Variants in ANKS1B observed in about 807,000 individuals in gnomAD.
The protein encoded by ANKS1B is ankyrin repeat and sterile alpha motif domain-containing protein 1B.
A neutral mutation model predicts 148.3 loss-of-function variants in ANKS1B; 36 were observed. That is an observed-to-expected ratio of 0.24 (90% CI 0.19 to 0.32). The LOEUF (loss-of-function observed/expected upper bound fraction) is 0.32, where lower values mean the gene tolerates loss of function less well. Among genes scored for constraint, ANKS1B ranks in the 10% least tolerant of loss-of-function variants. The pLI is 1.00. For missense variants in ANKS1B, 1,157 were observed against 1,542.6 expected, an observed-to-expected ratio of 0.75 and a Z score of 4.19; for synonymous variants, 542 against 560.8, an observed-to-expected ratio of 0.97 and a Z score of 0.47.
At chr12:99,977,990 T>C (rs1351331433) in intron 1 of ANKS1B, among the ~76,000 whole-genome samples, 1 of 152,224 alleles carries the variant, frequency 6.6e-6, no homozygotes, top group Admixed American at 6.5e-5. Context: ...TAGTCTTTTC[T>C]AACCTTTGTC....
At chr12:99,077,630 G>A (rs756809321) in intron 16 of ANKS1B, among the ~76,000 whole-genome samples, 23 of 152,152 alleles carry the variant, frequency 1.5e-4, no homozygotes, top group Non-Finnish European at 3.2e-4. Context: ...ACACATCTGC[G>A]TCAACCATCA....
At chr12:99,661,353 A>C (rs1012460937) in intron 8 of ANKS1B, among the ~76,000 whole-genome samples, 1 of 152,182 alleles carries the variant, frequency 6.6e-6, no homozygotes, top group Non-Finnish European at 1.5e-5. Context: ...TTACATGTAG[A>C]CATACAGCTT....
chr12:99,935,384 G>A (rs962574019), intron 1 of ANKS1B, among the ~76,000 whole-genome samples: 2 of 150,496 alleles, frequency 1.3e-5, no homozygotes, highest in African/African-American at 2.4e-5. Context: ...TATACAGTTA[G>A]CATCTTAAAG....
intron 12 of ANKS1B, among the ~76,000 whole-genome samples, chr12:99,367,141 G>A (rs924932138): frequency 1.3e-5 from 2 of 152,112 alleles, no homozygotes; most frequent in Non-Finnish European, 2.9e-5. Flanking sequence ...GGGGAGAGGA[G>A]TGAGGAGGGA....
chr12:99,584,700 G>A (rs991123838), intron 9 of ANKS1B, among the ~76,000 whole-genome samples: 1 of 152,064 alleles, frequency 6.6e-6, no homozygotes, highest in Non-Finnish European at 1.5e-5. Flanking sequence ...CAGGGGTGTG[G>A]AGGTCTCACA....
chr12:98,894,583 G>A, intron 17 of ANKS1B: 1 of 985,374 alleles, frequency 1.0e-6, no homozygotes, highest in Non-Finnish European at 1.2e-6. Flanking sequence ...GCCACGTCTC[G>A]GCGAGCGGGG....
chr12:99,853,596 T>C (rs1320138957), intron 1 of ANKS1B, among the ~76,000 whole-genome samples: 1 of 152,144 alleles, frequency 6.6e-6, no homozygotes, highest in African/African-American at 2.4e-5. Flanking sequence ...AGCCCCTTAG[T>C]GTCCCAGATC....
chr12:98,981,917 T>A (rs2099911527), intron 17 of ANKS1B, among the ~76,000 whole-genome samples: 1 of 152,150 alleles, frequency 6.6e-6, no homozygotes. Flanking sequence ...AGGGAAGGAG[T>A]ATCTGATATG....
intron 14 of ANKS1B, among the ~76,000 whole-genome samples, chr12:99,209,288 A>C (rs1457739874): frequency 6.6e-6 from 1 of 152,206 alleles, no homozygotes; most frequent in Non-Finnish European, 1.5e-5. Flanking sequence ...GGATGAGATT[A>C]AACTTATTTT....
chr12:99,648,185 G>C (rs765210814), intron 9 of ANKS1B: 1 of 1,613,114 alleles, frequency 6.2e-7, no homozygotes, highest in South Asian at 1.1e-5. Context: ...ATGGAGGACT[G>C]CTGTATGCTA....
At chr12:99,600,219 T>C (rs1413853016) in intron 9 of ANKS1B, among the ~76,000 whole-genome samples, 1 of 152,034 alleles carries the variant, frequency 6.6e-6, no homozygotes, top group Non-Finnish European at 1.5e-5. Context: ...GCTAGGGACC[T>C]CATAAATGCT....
intron 17 of ANKS1B, among the ~76,000 whole-genome samples, chr12:99,038,092 C>A (rs1015265801): frequency 6.6e-6 from 1 of 152,138 alleles, no homozygotes; most frequent in South Asian, 2.1e-4. Flanking sequence ...TTTGGCCACA[C>A]ATTGGTTTTT....
At position 99,779,937 on chromosome 12, in the gene ANKS1B, T is replaced by C; in HGVS notation, c.781A>G (p.Thr261Ala). 6.2e-7 allele frequency: 1 copy of C among 1,610,620 alleles called. No individual in the cohort carries two copies. Among genetic ancestry groups the C allele is most frequent in the Non-Finnish European group, 8.5e-7 (1 of 1,179,208 alleles). Reference sequence around the variant, plus strand: ...TGTTCTTTCAGAATGTCCAAGACAGTTCTACCTAAGCTATCCTTTATGTTG... The same window carrying C: ...TGTTCTTTCAGAATGTCCAAGACAGCTCTACCTAAGCTATCCTTTATGTTG... ...DANIKDSLGR[T>A]VLDILKEHPS... The change falls in exon 6 of 27, where the codon ACT (threonine) becomes GCT (alanine). Residue 261 changes from threonine to alanine, a missense_variant. Physicochemically the swap from Thr to Ala is moderately conservative, Grantham distance 58. Around this residue, in one of 6 missense-constraint regions of ANKS1B, gnomAD observed 661 missense variants for 642.1 expected, o/e 1.03. Transcript: ENST00000683438.
intron 9 of ANKS1B, among the ~76,000 whole-genome samples, chr12:99,519,944 ATGAAG>A: frequency 6.6e-6 from 1 of 152,152 alleles, no homozygotes; most frequent in Admixed American, 6.5e-5. Flanking sequence ...AAGTAAACTA[ATGAAG>A]GCTCTACACT....
intron 12 of ANKS1B, among the ~76,000 whole-genome samples, chr12:99,369,791 T>TAGATAGATAGATAGATAGAC (rs879173702): frequency 6.7e-6 from 1 of 148,770 alleles, no homozygotes; most frequent in African/African-American, 2.5e-5. Context: ...GATAGATAGA[T>TAGATAGATAGATAGATAGAC]GGACGGACGG....
intron 17 of ANKS1B, among the ~76,000 whole-genome samples, chr12:99,027,100 CAG>C (rs1236914323): frequency 3.3e-5 from 5 of 152,168 alleles, no homozygotes; most frequent in African/African-American, 1.2e-4. Context: ...GTTATTTATA[CAG>C]AGAGTTCAGG....
intron 4 of ANKS1B, among the ~76,000 whole-genome samples, chr12:99,791,113 A>G (rs778567179): frequency 1.1e-4 from 17 of 152,014 alleles, no homozygotes; most frequent in Non-Finnish European, 2.2e-4. Flanking sequence ...CCAAAAAACC[A>G]CAAGAGTAGC....
intron 22 of ANKS1B, among the ~76,000 whole-genome samples, chr12:98,797,495 A>T (rs2098960596): frequency 6.6e-6 from 1 of 152,132 alleles, no homozygotes; most frequent in African/African-American, 2.4e-5. Context: ...ATAACAGGTG[A>T]CTCCTAAGGC....
At chr12:99,964,814 G>T (rs1190356743) in intron 1 of ANKS1B, among the ~76,000 whole-genome samples, 1 of 152,174 alleles carries the variant, frequency 6.6e-6, no homozygotes. Context: ...GGGTGAAGAG[G>T]TGTCTCTGCA....
Sources: allele counts gnomAD v4.1 joint callset (sites outside exome capture counted in the v4.1 genomes callset), GRCh38; gene constraint gnomAD v4.1.1; regional missense constraint gnomAD v4.1.1; transcripts MANE v1.5; gene names NCBI Gene and HGNC (gene_info 2026-07-23, HGNC 2026-07-21).